The following PHYHIPL variants were observed in gnomAD, a reference collection of about 807,000 sequenced individuals.
PHYHIPL encodes the protein phytanoyl-CoA hydroxylase-interacting protein-like.
Under a neutral mutation model 33.4 loss-of-function variants are expected in PHYHIPL, and 9 were observed. The observed-to-expected ratio is 0.27, with a 90% CI of 0.16 to 0.47. PHYHIPL has a LOEUF of 0.47. Ranked by LOEUF, PHYHIPL falls within the 20% of genes least tolerant of loss-of-function variation. PHYHIPL has a pLI of 0.99. For synonymous variants in PHYHIPL, 153 were observed against 154.1 expected, an observed-to-expected ratio of 0.99 and a Z score of 0.05; for missense variants, 365 against 460.7, an observed-to-expected ratio of 0.79 and a Z score of 1.90.
At chr10:59,183,544 C>A in intron 1 of PHYHIPL, 1 of 428,826 alleles carries the variant, frequency 2.3e-6, no homozygotes, top group Non-Finnish European at 3.1e-6. Flanking sequence ...TTTTAATGTG[C>A]TTTGTATCTC....
intron 1 of PHYHIPL, among the ~76,000 whole-genome samples, chr10:59,222,135 T>G (rs552209904): frequency 6.6e-6 from 1 of 151,996 alleles, no homozygotes; most frequent in African/African-American, 2.4e-5. Flanking sequence ...ATGCCCTTAA[T>G]AAAGAAGTAC....
In PHYHIPL at chr10:59,245,755, G is replaced by C; in HGVS notation, c.*164G>C. On this transcript the variant is annotated 3_prime_UTR_variant, in exon 5 of 5. Coordinates refer to ENST00000373880, the MANE Select transcript of PHYHIPL (RefSeq NM_032439.4). ...CCAAATTTCATTCAGAACCATTTTAGTGTTTTCCTATTCCCTACCCCTCCC... is the reference window on the plus strand; with the variant it reads ...CCAAATTTCATTCAGAACCATTTTACTGTTTTCCTATTCCCTACCCCTCCC... 1 of 729,298 alleles carries C rather than the reference G, an allele frequency of 1.4e-6. No homozygotes were observed. 45.2% of individuals were successfully genotyped at this position (729,298 alleles called of 1,614,324 possible).
At chr10:59,213,816 CA>C (rs367904096) in intron 1 of PHYHIPL, among the ~76,000 whole-genome samples, 45 of 152,274 alleles carry the variant, frequency 3.0e-4, no homozygotes, top group African/African-American at 9.6e-4. Flanking sequence ...GTGACTCAAT[CA>C]GTGTTAAAGT....
chr10:59,192,033 T>G (rs192983258), intron 1 of PHYHIPL, among the ~76,000 whole-genome samples: 1 of 152,170 alleles, frequency 6.6e-6, no homozygotes, highest in East Asian at 1.9e-4. Context: ...ACATAATGTC[T>G]TTGTAAAACT....
chr10:59,190,426 A>G (rs1048379525), intron 1 of PHYHIPL, among the ~76,000 whole-genome samples: 1 of 152,038 alleles, frequency 6.6e-6, no homozygotes, highest in East Asian at 1.9e-4. Context: ...GAATCGATTC[A>G]TCAGTCATTT....
intron 1 of PHYHIPL, among the ~76,000 whole-genome samples, chr10:59,233,524 T>G (rs879611815): frequency 6.6e-6 from 1 of 151,774 alleles, no homozygotes; most frequent in Non-Finnish European, 1.5e-5. Flanking sequence ...TAATATGTCT[T>G]TCCTATATGT....
rs372038139 is a variant in PHYHIPL at position 59,186,122 on chromosome 10, C to G, written c.106+9163C>G. ...AGGTCTAACATTTAAGTCTTTAATCCATCTTGAATTAATTTTTGTATAAGG... is the reference window on the plus strand; with the variant it reads ...AGGTCTAACATTTAAGTCTTTAATCGATCTTGAATTAATTTTTGTATAAGG... On this transcript the variant is annotated intron_variant, in intron 1 of 4. Transcript: ENST00000373880. 7.2e-3 allele frequency among the ~76,000 whole-genome samples: 1,099 copies of G among 152,120 alleles called. 4 individuals carry two copies. The highest frequency in any genetic ancestry group is 0.02 in the Admixed American group (299 of 15,262).
intron 1 of PHYHIPL, among the ~76,000 whole-genome samples, chr10:59,190,878 A>G: frequency 6.6e-6 from 1 of 151,910 alleles, no homozygotes; most frequent in East Asian, 1.9e-4. Context: ...AGCTCAGAAA[A>G]AAATCCCCGA....
intron 1 of PHYHIPL, among the ~76,000 whole-genome samples, chr10:59,228,682 T>C (rs958003181): frequency 2.5e-4 from 38 of 152,168 alleles, no homozygotes; most frequent in African/African-American, 8.7e-4. Context: ...ACTAAAACTT[T>C]AGGAAGGAAA....
At chr10:59,184,178 A>G (rs1423378371) in intron 1 of PHYHIPL, among the ~76,000 whole-genome samples, 2 of 152,172 alleles carry the variant, frequency 1.3e-5, no homozygotes, top group African/African-American at 4.8e-5. Context: ...CCTGGGCAAA[A>G]TCCATAAGCC....
In PHYHIPL at chr10:59,200,419, G is replaced by A. The variant is rs551917297; in HGVS notation, c.106+23460G>A. ...CCAGGGATGAAGCCAACTTCATTGT[G>A]GTGGATAAGCTTTTTGATGTGCTGC... On this transcript the variant is annotated intron_variant, in intron 1 of 4. Transcript: ENST00000373880. Among the ~76,000 whole-genome samples, 33 of 152,284 alleles carry A rather than the reference G, an allele frequency of 2.2e-4. No individual in the cohort carries two copies. In the South Asian group the frequency reaches 3.9e-3, roughly 18 times the overall value.
intron 1 of PHYHIPL, among the ~76,000 whole-genome samples, chr10:59,198,941 A>G (rs1383769209): frequency 1.3e-5 from 2 of 152,106 alleles, no homozygotes; most frequent in East Asian, 3.8e-4. Context: ...AGTTCTTTGT[A>G]GATTCTAGAT....
chr10:59,194,270 T>C (rs1838853866), intron 1 of PHYHIPL, among the ~76,000 whole-genome samples: 1 of 151,934 alleles, frequency 6.6e-6, no homozygotes, highest in Non-Finnish European at 1.5e-5. Flanking sequence ...TTCTAAGATA[T>C]TTATTTTTCT....
chr10:59,179,580 T>G (rs564206120), intron 1 of PHYHIPL, among the ~76,000 whole-genome samples: 2 of 152,182 alleles, frequency 1.3e-5, no homozygotes, highest in African/African-American at 4.8e-5. Flanking sequence ...GAGATATTTT[T>G]AATTTTATAA....
intron 1 of PHYHIPL, among the ~76,000 whole-genome samples, chr10:59,181,981 A>G (rs1209424717): frequency 6.6e-6 from 1 of 152,220 alleles, no homozygotes; most frequent in Non-Finnish European, 1.5e-5. Flanking sequence ...CAACATTCAA[A>G]TTACTTGGTT....
chr10:59,189,944 T>C (rs1838737384), intron 1 of PHYHIPL, among the ~76,000 whole-genome samples: 1 of 151,996 alleles, frequency 6.6e-6, no homozygotes, highest in Admixed American at 6.6e-5. Context: ...AAAATTAAGC[T>C]GAAAGCTAGT....
chr10:59,176,713 A>G lies in PHYHIPL; in HGVS notation c.-141A>G. ...CGGCGGCTCTCCAGCCCCGCGCCTC[A>G]GCCTCGGCGCCGCATCACCGCGTCC... On this transcript the variant is annotated 5_prime_UTR_variant, in exon 1 of 5. Transcript: ENST00000373880. 1 of 727,244 alleles carries G rather than the reference A, an allele frequency of 1.4e-6. No homozygotes were observed. The highest frequency in any genetic ancestry group is 2.9e-5 in the East Asian group (1 of 34,754). The allele number at this position is 727,244 out of a possible 1,614,324, so 45.0% of individuals were successfully genotyped here.
chr10:59,203,510 A>C lies in PHYHIPL; in HGVS notation c.106+26551A>C, dbSNP rs560008250. ...GTATTCACAATAGCAAAGACTTGGA[A>C]CCAACCCAAATGTCCATCAATGATA... On this transcript the variant is annotated intron_variant, in intron 1 of 4. Coordinates refer to ENST00000373880, the MANE Select transcript of PHYHIPL (RefSeq NM_032439.4). Among the ~76,000 whole-genome samples, 834 of 152,242 alleles carry C rather than the reference A, an allele frequency of 5.5e-3. 9 individuals are homozygous for C. The highest frequency in any genetic ancestry group is 0.019 in the African/African-American group (798 of 41,528).
At chr10:59,194,080 GTTTT>G (rs778292956) in intron 1 of PHYHIPL, among the ~76,000 whole-genome samples, 2 of 111,482 alleles carry the variant, frequency 1.8e-5, no homozygotes, top group African/African-American at 3.5e-5. Context: ...TTACCTATAT[GTTTT>G]TTTTTTTTTT....
Sources: allele counts gnomAD v4.1 joint callset (sites outside exome capture counted in the v4.1 genomes callset), GRCh38; gene constraint gnomAD v4.1.1; transcripts MANE v1.5; gene names NCBI Gene and HGNC (gene_info 2026-07-23, HGNC 2026-07-21).